Variants in ACSS2 observed in about 807,000 individuals in gnomAD.
ACSS2 encodes the protein acyl-CoA synthetase short chain family member 2.
In ACSS2, 58 loss-of-function variants were observed where a neutral mutation model predicts 90.6. The ratio of observed to expected loss-of-function variants is 0.64; its 90% CI spans 0.52 to 0.80. The LOEUF is 0.80. ACSS2 is among the 30% of genes least tolerant of loss of function. The pLI, the probability that ACSS2 is intolerant of heterozygous loss-of-function variation, is 0.00. For synonymous variants in ACSS2, 300 were observed against 330.9 expected, an observed-to-expected ratio of 0.91 and a Z score of 1.01; for missense variants, 759 against 912.0, an observed-to-expected ratio of 0.83 and a Z score of 2.16.
At chr20:34,908,941 C>A (rs893822492) in intron 2 of ACSS2, 1 of 445,986 alleles carries the variant, frequency 2.2e-6, no homozygotes, top group Non-Finnish European at 4.5e-6. Context: ...GATATACTTG[C>A]AGGTGAGTAA....
At chr20:34,912,964 T>C (rs1047766281) in intron 2 of ACSS2, 132 bp from the exon 3 acceptor site, 4 of 742,316 alleles carry the variant, frequency 5.4e-6, no homozygotes, top group Middle Eastern at 2.4e-4. Flanking sequence ...AGATTGATGG[T>C]GGGCAGATAG....
intron 2 of ACSS2, among the ~76,000 whole-genome samples, chr20:34,889,650 A>T (rs1162094989): frequency 1.3e-5 from 2 of 152,212 alleles, no homozygotes; most frequent in African/African-American, 4.8e-5. Context: ...GAAGGGGAAA[A>T]GTAGAAGCAG....
At chr20:34,879,874 G>C (rs751142239) in intron 1 of ACSS2, among the ~76,000 whole-genome samples, 1 of 152,090 alleles carries the variant, frequency 6.6e-6, no homozygotes, top group East Asian at 1.9e-4. Flanking sequence ...TATTAGCTGC[G>C]TGGTCCTTGG....
intron 1 of ACSS2, among the ~76,000 whole-genome samples, chr20:34,880,359 G>A (rs1189399937): frequency 1.3e-5 from 2 of 151,806 alleles, no homozygotes; most frequent in South Asian, 2.1e-4. Context: ...AACAGCCTGG[G>A]TAATATGGCC....
chr20:34,923,664 A>G (rs1025095851), intron 14 of ACSS2, among the ~76,000 whole-genome samples: 2 of 152,234 alleles, frequency 1.3e-5, no homozygotes, highest in African/African-American at 4.8e-5. Flanking sequence ...AAGCAAAGGG[A>G]AAGCCAGTGT....
intron 14 of ACSS2, among the ~76,000 whole-genome samples, chr20:34,925,265 G>C (rs371124867): frequency 5.9e-5 from 9 of 152,272 alleles, no homozygotes; most frequent in Admixed American, 3.3e-4. Flanking sequence ...GAAGGTTTGA[G>C]TGAGCCTGGA....
At chr20:34,904,503 T>C (rs1363477617) in intron 2 of ACSS2, among the ~76,000 whole-genome samples, 3 of 152,114 alleles carry the variant, frequency 2.0e-5, no homozygotes, top group African/African-American at 7.2e-5. Context: ...ATGTAGGCCA[T>C]TGTGAGGACT....
At chr20:34,907,529 A>G (rs779414927) in intron 2 of ACSS2, among the ~76,000 whole-genome samples, 1 of 152,206 alleles carries the variant, frequency 6.6e-6, no homozygotes, top group Non-Finnish European at 1.5e-5. Context: ...CTGGGTGCAT[A>G]TATTTATCCT....
Position 34,923,390 on chromosome 20 carries a change from C to T in ACSS2, c.1616C>T (p.Thr539Ile). The change falls in exon 14 of 18, where the codon ACC becomes ATC. Residue 539 changes from threonine (T) to isoleucine (I), a missense_variant. Physicochemically the swap from Thr to Ile is moderately conservative, Grantham distance 89. Coordinates refer to ENST00000360596, the MANE Select transcript of ACSS2 (RefSeq NM_018677.4). ...GGGAACCACGAACGCTTTGAGACAA[C>T]CTACTTTAAGAAGTTTCCTGGATAC... ...VYGNHERFET[T>I]YFKKFPGYYV... The T allele has an allele frequency of 6.2e-7, 1 of 1,614,176 alleles. No homozygotes were observed.
In ACSS2 at chr20:34,927,181, C is replaced by T. The variant is rs147074666; in HGVS notation, c.2073C>T (p.His691=). The T allele has an allele frequency of 4.0e-5, 65 of 1,614,056 alleles. No homozygotes were observed. The African/African-American group carries it at 4.4e-4, about 11-fold the overall frequency. Residue 691 remains histidine (H), a synonymous_variant, in exon 18 of 18, where the codon CAC becomes CAT. Coordinates refer to ENST00000360596, the MANE Select transcript of ACSS2 (RefSeq NM_018677.4). The surrounding 1 kb of genome is among the most constrained non-coding windows in gnomAD (Gnocchi z 4.2). ...TGGCTGACCCATCTGTCATCAGTCACCTCTTCAGCCACCGCTGCCTGACCA... is the reference window on the plus strand; with the variant it reads ...TGGCTGACCCATCTGTCATCAGTCATCTCTTCAGCCACCGCTGCCTGACCA... The part of the protein sequence containing the change: ...STVADPSVIS[H]LFSHRCLTIQ
In ACSS2 at chr20:34,909,010, C is replaced by T. The variant is rs148358756; in HGVS notation, c.375-4086C>T. 6 of 413,814 alleles carry T rather than the reference C, an allele frequency of 1.4e-5. No individual in the cohort carries two copies. The East Asian group carries it at 4.5e-4, about 31-fold the overall frequency. The allele number at this position is 413,814 out of a possible 1,614,324, so 25.6% of individuals were successfully genotyped here. A position where few individuals can be genotyped will look rare whatever the true frequency, so the allele number is the denominator to read the frequency against. ...TTTATTTGTTAAATAAATTACAGTA[C>T]ATACAAATAGTGGAATATTTTGCAG... On this transcript the variant is annotated intron_variant, in intron 2 of 17. Coordinates refer to ENST00000360596, the MANE Select transcript of ACSS2 (RefSeq NM_018677.4).
intron 2 of ACSS2, among the ~76,000 whole-genome samples, chr20:34,894,539 C>A (rs1488478644): frequency 6.6e-6 from 1 of 151,850 alleles, no homozygotes; most frequent in Non-Finnish European, 1.5e-5. Context: ...GTCATGCATG[C>A]CTGTGGTCCC....
In ACSS2 at chr20:34,920,555, T is replaced by C. The variant is rs59126805; in HGVS notation, c.989T>C (p.Val330Ala). The C allele has an allele frequency of 3.0e-3, 4,828 of 1,613,956 alleles. 9 individuals are homozygous for C. Among genetic ancestry groups the C allele is most frequent in the Non-Finnish European group, 3.4e-3 (4,064 of 1,179,950 alleles). Residue 330 changes from valine to alanine, a missense_variant, in exon 9 of 18, where the codon GTT (valine) becomes GCT (alanine). Val to Ala is a moderately conservative substitution (Grantham distance 64). Transcript: ENST00000360596. ...TGKPKGVVHT[V>A]GGYMLYVATT... ...TTCCCACAGGGTGTGGTTCACACAGTTGGGGGCTACATGCTCTATGTAGCC... is the reference window on the plus strand; with the variant it reads ...TTCCCACAGGGTGTGGTTCACACAGCTGGGGGCTACATGCTCTATGTAGCC...
chr20:34,891,597 G>T (rs2080337410), intron 2 of ACSS2, among the ~76,000 whole-genome samples: 1 of 152,182 alleles, frequency 6.6e-6, no homozygotes, highest in South Asian at 2.1e-4. Context: ...CCTGAGGGTT[G>T]TTTGTGGCTG....
intron 13 of ACSS2, among the ~76,000 whole-genome samples, chr20:34,922,600 G>A (rs996061417): frequency 5.9e-5 from 9 of 152,268 alleles, no homozygotes; most frequent in Middle Eastern, 6.8e-3. Flanking sequence ...GCAAAATTCC[G>A]TCTCAGAAAA....
intron 2 of ACSS2, among the ~76,000 whole-genome samples, chr20:34,897,422 C>T (rs887782947): frequency 6.6e-6 from 1 of 152,210 alleles, no homozygotes. Flanking sequence ...CTCTAAGGCT[C>T]TGCCTTATTC....
intron 2 of ACSS2, among the ~76,000 whole-genome samples, chr20:34,906,642 G>C (rs546694248): frequency 4.3e-4 from 65 of 152,184 alleles, no homozygotes; most frequent in South Asian, 2.9e-3. Flanking sequence ...TATGTACTAG[G>C]CTGTACTTGA....
chr20:34,892,150 C>T (rs2080350021), intron 2 of ACSS2, among the ~76,000 whole-genome samples: 1 of 152,330 alleles, frequency 6.6e-6, no homozygotes, highest in East Asian at 1.9e-4. Context: ...TGGATAAATT[C>T]TCTACATTTC....
At chr20:34,876,501 A>C (rs2079909796), upstream of ACSS2, 6 of 887,024 alleles carry the variant, frequency 6.8e-6, no homozygotes, top group African/African-American at 1.9e-5. Flanking sequence ...CCCCTCTGGC[A>C]CCGCCCACCC....
Sources: allele counts gnomAD v4.1 joint callset (sites outside exome capture counted in the v4.1 genomes callset), GRCh38; gene constraint gnomAD v4.1.1; non-coding constraint Gnocchi (gnomAD v3.1); transcripts MANE v1.5; gene names NCBI Gene and HGNC (gene_info 2026-07-23, HGNC 2026-07-21).